NALF1: variants seen among roughly 807,000 people sequenced by gnomAD.
The protein encoded by NALF1 is family with sequence similarity 155 member A.
In NALF1, 3 loss-of-function variants were observed where a neutral mutation model predicts 48.4. That is an observed-to-expected ratio of 0.06 (90% CI 0.03 to 0.16). The LOEUF is 0.16. Among genes scored for constraint, NALF1 ranks in the 10% least tolerant of loss-of-function variants. The pLI is 1.00. For synonymous variants in NALF1, 262 were observed against 245.7 expected (o/e 1.07, Z -0.62); for missense variants, 526 against 571.5 (o/e 0.92, Z 0.81).
At chr13:107,509,455 A>C (rs1281352986) in intron 1 of NALF1, among the ~76,000 whole-genome samples, 1 of 152,218 alleles carries the variant, frequency 6.6e-6, no homozygotes, top group African/African-American at 2.4e-5. Flanking sequence ...AAATAGATTT[A>C]AATAGAAATC....
At chr13:107,815,213 A>G (rs575411508) in intron 1 of NALF1, among the ~76,000 whole-genome samples, 1 of 152,296 alleles carries the variant, frequency 6.6e-6, no homozygotes, top group South Asian at 2.1e-4. Context: ...ATAAATCTAA[A>G]AGACAACCCA....
At chr13:107,782,251 C>T (rs1006419321) in intron 1 of NALF1, among the ~76,000 whole-genome samples, 2 of 152,230 alleles carry the variant, frequency 1.3e-5, no homozygotes, top group Non-Finnish European at 2.9e-5. Flanking sequence ...GACGGGGTTT[C>T]GCTGTGTTGG....
intron 1 of NALF1, among the ~76,000 whole-genome samples, chr13:107,817,497 G>A (rs1403367335): frequency 5.9e-5 from 9 of 152,146 alleles, no homozygotes. Context: ...ATTCACTCTA[G>A]GGAGTGCCGG....
intron 1 of NALF1, among the ~76,000 whole-genome samples, chr13:107,402,183 C>G (rs186137785): frequency 6.6e-6 from 1 of 152,320 alleles, no homozygotes; most frequent in African/African-American, 2.4e-5. Context: ...TGCCAGCAGA[C>G]TCTCTCCTTT....
intron 1 of NALF1, among the ~76,000 whole-genome samples, chr13:107,841,651 AC>A (rs200541712): frequency 0.023 from 3,487 of 151,630 alleles, 135 homozygotes; most frequent in African/African-American, 0.079. Flanking sequence ...AAAAAAAAAA[AC>A]ATAAGAAGTT....
At chr13:107,757,148 G>A (rs926639093) in intron 1 of NALF1, among the ~76,000 whole-genome samples, 1 of 152,198 alleles carries the variant, frequency 6.6e-6, no homozygotes, top group Non-Finnish European at 1.5e-5. Context: ...ACAAGGCAGT[G>A]ATTGAGGTAG....
At chr13:107,687,674 G>C (rs1021897095) in intron 1 of NALF1, among the ~76,000 whole-genome samples, 2 of 152,132 alleles carry the variant, frequency 1.3e-5, no homozygotes, top group African/African-American at 2.4e-5. Flanking sequence ...GAGCAACACT[G>C]TTCAATACTG....
chr13:107,225,784 CT>C (rs1451475715), intron 1 of NALF1, among the ~76,000 whole-genome samples: 2 of 152,104 alleles, frequency 1.3e-5, no homozygotes, highest in African/African-American at 4.8e-5. Context: ...ATCACATCCC[CT>C]GAATTCTGAT....
chr13:107,450,329 G>A (rs577060535), intron 1 of NALF1, among the ~76,000 whole-genome samples: 3 of 152,242 alleles, frequency 2.0e-5, no homozygotes, highest in African/African-American at 4.8e-5. Flanking sequence ...ATAGAGCCAC[G>A]GGGACTGGGG....
chr13:107,495,017 A>G (rs1376758190), intron 1 of NALF1, among the ~76,000 whole-genome samples: 1 of 152,248 alleles, frequency 6.6e-6, no homozygotes, highest in African/African-American at 2.4e-5. Flanking sequence ...ACCAATTCCC[A>G]GATGGACATA....
chr13:107,805,413 TACGGAA>T (rs1878747989), intron 1 of NALF1, among the ~76,000 whole-genome samples: 1 of 152,164 alleles, frequency 6.6e-6, no homozygotes, highest in African/African-American at 2.4e-5. Context: ...CTTCTATGCT[TACGGAA>T]GAAGCATAGA....
chr13:107,207,443 A>G (rs1426826052), intron 2 of NALF1, among the ~76,000 whole-genome samples: 1 of 152,204 alleles, frequency 6.6e-6, no homozygotes, highest in Non-Finnish European at 1.5e-5. Context: ...AATTATATGC[A>G]CATATGTCTT....
At chr13:107,180,145 A>G (rs1879032113) in intron 2 of NALF1, among the ~76,000 whole-genome samples, 1 of 151,774 alleles carries the variant, frequency 6.6e-6, no homozygotes, top group Non-Finnish European at 1.5e-5. Flanking sequence ...AATAAAATAT[A>G]GAACAGAATT....
At chr13:107,404,676 G>A (rs562583043) in intron 1 of NALF1, among the ~76,000 whole-genome samples, 2 of 152,172 alleles carry the variant, frequency 1.3e-5, no homozygotes, top group East Asian at 3.9e-4. Context: ...GTATACTTCA[G>A]TAGGAATTAT....
intron 1 of NALF1, among the ~76,000 whole-genome samples, chr13:107,657,820 T>C (rs1254012723): frequency 2.0e-5 from 3 of 152,206 alleles, no homozygotes; most frequent in African/African-American, 7.2e-5. Flanking sequence ...TTGAGATTGC[T>C]CACCCATTTA....
intron 1 of NALF1, among the ~76,000 whole-genome samples, chr13:107,730,321 T>C (rs1270004435): frequency 6.6e-6 from 1 of 152,232 alleles, no homozygotes; most frequent in Non-Finnish European, 1.5e-5. Flanking sequence ...AATACTCTCC[T>C]GTCTAACAAC....
chr13:107,710,961 T>C (rs953813363), intron 1 of NALF1, among the ~76,000 whole-genome samples: 1 of 151,888 alleles, frequency 6.6e-6, no homozygotes, highest in East Asian at 1.9e-4. Context: ...CTAGTAGTTA[T>C]GTATCGATGA....
intron 1 of NALF1, among the ~76,000 whole-genome samples, chr13:107,507,687 C>A (rs1594100855): frequency 1.3e-5 from 2 of 150,522 alleles, no homozygotes; most frequent in South Asian, 4.2e-4. Flanking sequence ...CAAAATCAGG[C>A]CTTTTGGTTC....
At chr13:107,365,634 T>C (rs890794409) in intron 1 of NALF1, among the ~76,000 whole-genome samples, 4 of 152,234 alleles carry the variant, frequency 2.6e-5, no homozygotes, top group Non-Finnish European at 1.5e-5. Context: ...TGGGGAATGG[T>C]TGACCTCTTG....
Sources: allele counts gnomAD v4.1 joint callset (sites outside exome capture counted in the v4.1 genomes callset), GRCh38; gene constraint gnomAD v4.1.1; transcripts MANE v1.5; gene names NCBI Gene and HGNC (gene_info 2026-07-23, HGNC 2026-07-21).